FER: variants seen among roughly 807,000 people sequenced by gnomAD.
FER encodes the protein tyrosine-protein kinase Fer.
Under a neutral mutation model 111.0 loss-of-function variants are expected in FER, and 63 were observed. The ratio of observed to expected loss-of-function variants is 0.57; its 90% CI spans 0.46 to 0.70. The LOEUF is 0.70. Among genes scored for constraint, FER ranks in the 30% least tolerant of loss-of-function variants. The pLI is 0.00. For missense variants in FER, 914 were observed against 954.0 expected, an observed-to-expected ratio of 0.96 and a Z score of 0.55; for synonymous variants, 327 against 313.9, an observed-to-expected ratio of 1.04 and a Z score of -0.44.
At chr5:109,016,751 A>G (rs1767188601) in intron 13 of FER, among the ~76,000 whole-genome samples, 1 of 151,970 alleles carries the variant, frequency 6.6e-6, no homozygotes. Flanking sequence ...CCACATTATT[A>G]TTATAGTTTT....
intron 13 of FER, among the ~76,000 whole-genome samples, chr5:108,980,962 G>A (rs893143737): frequency 2.6e-5 from 4 of 152,070 alleles, no homozygotes; most frequent in African/African-American, 9.7e-5. Context: ...TTTTGGTAGG[G>A]TTTTTTAGAG....
chr5:109,141,520 C>A (rs1753522876), intron 17 of FER, among the ~76,000 whole-genome samples: 1 of 152,172 alleles, frequency 6.6e-6, no homozygotes, highest in Non-Finnish European at 1.5e-5. Context: ...TAGTAACAAA[C>A]AACATGAAAA....
chr5:108,843,518 T>G (rs889913859), intron 5 of FER, among the ~76,000 whole-genome samples: 3 of 151,828 alleles, frequency 2.0e-5, no homozygotes, highest in Admixed American at 2.0e-4. Context: ...TTCAAGCCAT[T>G]GAAAGTTGAA....
At chr5:109,086,150 C>G (rs1777539945) in intron 16 of FER, among the ~76,000 whole-genome samples, 1 of 151,620 alleles carries the variant, frequency 6.6e-6, no homozygotes, top group African/African-American at 2.4e-5. Context: ...ACCAATGAAG[C>G]CATCTGGACC....
At chr5:109,186,408 T>TGTTA in intron 19 of FER, 86 bp downstream of exon 19, 1 of 1,588,358 alleles carries the variant, frequency 6.3e-7, no homozygotes. Context: ...AGGAGGGGTG[T>TGTTA]GTTAAATACT....
chr5:108,767,713 C>T (rs1752475816), intron 1 of FER, among the ~76,000 whole-genome samples: 1 of 152,200 alleles, frequency 6.6e-6, no homozygotes, highest in African/African-American at 2.4e-5. Flanking sequence ...AACTCCTGTA[C>T]TCAGGCCATC....
At chr5:108,784,624 C>T (rs1208268875) in intron 2 of FER, 1 of 152,130 alleles carries the variant, frequency 6.6e-6, no homozygotes, top group Admixed American at 6.5e-5. Flanking sequence ...GAGCTGAGAG[C>T]CCCAAACAGA....
Position 108,832,825 on chromosome 5 carries a change from A to G in FER, c.263A>G (p.His88Arg). The G allele has an allele frequency of 6.2e-7, 1 of 1,605,266 alleles. No individual in the cohort carries two copies. The highest frequency in any genetic ancestry group is 8.5e-7 in the Non-Finnish European group (1 of 1,175,468). Residue 88 changes from histidine (H) to arginine (R), a missense_variant, in exon 4 of 20, where the codon CAT (histidine) becomes CGT (arginine). His to Arg is a conservative substitution (Grantham distance 29). Coordinates refer to ENST00000281092, the MANE Select transcript of FER (RefSeq NM_005246.4). ...CAACTTAGTAGGATAATGAAGACAC[A>G]TGCAGAGGACTTGAACTCTGGACCT... ...TEQLSRIMKT[H>R]AEDLNSGPLH...
At chr5:108,923,418 T>C (rs560963206) in intron 10 of FER, among the ~76,000 whole-genome samples, 4 of 152,236 alleles carry the variant, frequency 2.6e-5, no homozygotes, top group South Asian at 2.1e-4. Flanking sequence ...TATGTCAGAA[T>C]TGTGACCCAG....
rs144548701 is a variant in FER at position 109,021,954 on chromosome 5, A to G, written c.1657-15468A>G. Among the ~76,000 whole-genome samples the G allele has an allele frequency of 3.1e-3, 477 of 152,214 alleles. 2 individuals carry two copies. Among genetic ancestry groups the G allele is most frequent in the African/African-American group, 0.011 (448 of 41,558 alleles). On this transcript the variant is annotated intron_variant, in intron 13 of 19. Coordinates refer to ENST00000281092, the MANE Select transcript of FER (RefSeq NM_005246.4). ...AGAGGGAGAAGATAGAGAAAGGTAA[A>G]CAAATAATTTATAAGATAATTATAG...
chr5:109,031,748 T>C lies in FER; in HGVS notation c.1657-5674T>C, dbSNP rs114414194. ...TTCTCCTTTTAGCATATCAATCATATCCATGTTCAAGACTTATCTCAAATA... is the reference window on the plus strand; with the variant it reads ...TTCTCCTTTTAGCATATCAATCATACCCATGTTCAAGACTTATCTCAAATA... On this transcript the variant is annotated intron_variant, in intron 13 of 19. Transcript: ENST00000281092. Among the ~76,000 whole-genome samples, 1,517 of 152,304 alleles carry C rather than the reference T, an allele frequency of 1.0e-2. 22 individuals are homozygous for C. The highest frequency in any genetic ancestry group is 0.035 in the African/African-American group (1,448 of 41,562).
At chr5:109,101,563 A>G (rs1007537209) in intron 17 of FER, among the ~76,000 whole-genome samples, 5 of 152,106 alleles carry the variant, frequency 3.3e-5, no homozygotes, top group Non-Finnish European at 5.9e-5. Flanking sequence ...TTCTGAAACT[A>G]TAATTATGAC....
chr5:109,119,449 T>C (rs1359828047), intron 17 of FER, among the ~76,000 whole-genome samples: 1 of 152,222 alleles, frequency 6.6e-6, no homozygotes, highest in Non-Finnish European at 1.5e-5. Context: ...AATTTTGGAA[T>C]AAGTGCAGTG....
At chr5:108,826,947 CT>C (rs1307444670) in intron 3 of FER, among the ~76,000 whole-genome samples, 6 of 151,740 alleles carry the variant, frequency 4.0e-5, no homozygotes, top group African/African-American at 9.7e-5. Context: ...GTTTTAGAAA[CT>C]TTTTTTTTAT....
At chr5:109,109,457 A>G (rs1405737473) in intron 17 of FER, among the ~76,000 whole-genome samples, 1 of 152,188 alleles carries the variant, frequency 6.6e-6, no homozygotes. Flanking sequence ...TACTCAATAC[A>G]GAGCTTCTAG....
chr5:108,892,338 A>C (rs1461016307), intron 9 of FER, among the ~76,000 whole-genome samples: 1 of 152,024 alleles, frequency 6.6e-6, no homozygotes, highest in African/African-American at 2.4e-5. Context: ...TTGTTTCCTG[A>C]CTTTTTAATG....
In FER at chr5:108,835,193, C is replaced by G. The variant is rs577498287; in HGVS notation, c.382-515C>G. Among the ~76,000 whole-genome samples, 7 of 124,376 alleles carry G rather than the reference C, an allele frequency of 5.6e-5. 1 individual carries two copies. The highest frequency in any genetic ancestry group is 2.3e-4 in the East Asian group (1 of 4,398). 81.6% of individuals were successfully genotyped at this position (124,376 alleles called of 152,430 possible). On this transcript the variant is annotated intron_variant, in intron 4 of 19. Transcript: ENST00000281092. The stretch of plus-strand genomic sequence containing the variant: ...TTTCTTCGTTTGCGCCACCCCCCCC[C>G]CCCCACTTTTTTTTTGAGTCAAGTT...
chr5:108,974,772 G>A (rs1394892851), intron 13 of FER, among the ~76,000 whole-genome samples: 1 of 152,170 alleles, frequency 6.6e-6, no homozygotes. Context: ...TAGTTACATG[G>A]CCAAGGTCCA....
intron 10 of FER, among the ~76,000 whole-genome samples, chr5:108,935,501 G>T (rs116375369): frequency 1.3e-5 from 2 of 152,014 alleles, no homozygotes; most frequent in East Asian, 1.9e-4. Flanking sequence ...TCCAAATAAG[G>T]TTACATTCAT....
Sources: allele counts gnomAD v4.1 joint callset (sites outside exome capture counted in the v4.1 genomes callset), GRCh38; gene constraint gnomAD v4.1.1; transcripts MANE v1.5; gene names NCBI Gene and HGNC (gene_info 2026-07-23, HGNC 2026-07-21).